The following ABL1 variants were observed in gnomAD, a reference collection of about 807,000 sequenced individuals.
The protein encoded by ABL1 is tyrosine-protein kinase ABL1.
In ABL1, 11 loss-of-function variants were observed where a neutral mutation model predicts 94.7. The ratio of observed to expected loss-of-function variants is 0.12; its 90% CI spans 0.07 to 0.19. The LOEUF (loss-of-function observed/expected upper bound fraction) is 0.19. Ranked by LOEUF, ABL1 falls within the 10% of genes least tolerant of loss-of-function variation. The pLI is 1.00. For missense variants in ABL1, 1,082 were observed against 1,489.4 expected, an observed-to-expected ratio of 0.73 and a Z score of 4.50; for synonymous variants, 656 against 622.4, an observed-to-expected ratio of 1.05 and a Z score of -0.80.
chr9:130,723,477 C>A (rs542405195), intron 1 of ABL1, among the ~76,000 whole-genome samples: 2 of 152,050 alleles, frequency 1.3e-5, no homozygotes, highest in African/African-American at 2.4e-5. Flanking sequence ...TCCAGGAGTT[C>A]GAGGCTGAAG....
chr9:130,738,704 A>G (rs1160273081), intron 1 of ABL1, among the ~76,000 whole-genome samples: 1 of 152,204 alleles, frequency 6.6e-6, no homozygotes, highest in Non-Finnish European at 1.5e-5. Flanking sequence ...TGATGGACAA[A>G]TCATGGAAAA....
intron 1 of ABL1, among the ~76,000 whole-genome samples, chr9:130,726,365 C>T (rs1025314554): frequency 5.9e-5 from 9 of 152,074 alleles, no homozygotes; most frequent in African/African-American, 1.7e-4. Flanking sequence ...TACTGTCTTA[C>T]GTTTTAGCAC....
At position 130,783,273 on chromosome 9, in the gene ABL1, T is replaced by G. The variant is rs146118618; in HGVS notation, c.136+68818T>G. Reference sequence around the variant, plus strand: ...TGTGGAATATTAAATCAATTGTGTGTTTTTTTTGGCATCCTTGATGTGAAC... The same window carrying G: ...TGTGGAATATTAAATCAATTGTGTGGTTTTTTTGGCATCCTTGATGTGAAC... On this transcript the variant is annotated intron_variant, in intron 1 of 10. Coordinates refer to the ABL1 transcript ENST00000372348. 1.3e-3 allele frequency among the ~76,000 whole-genome samples: 196 copies of G among 151,812 alleles called. 1 individual carries two copies. Among genetic ancestry groups the G allele is most frequent in the African/African-American group, 4.5e-3 (188 of 41,474 alleles).
chr9:130,863,656 T>G lies in ABL1; in HGVS notation c.822+621T>G, dbSNP rs1190986524. Among the ~76,000 whole-genome samples the G allele has an allele frequency of 1.3e-5, 2 of 152,224 alleles. No homozygotes were observed. The highest frequency in any genetic ancestry group is 4.8e-5 in the African/African-American group (2 of 41,448). ...ACCCTCTCCACTAATGAATAGTGTT[T>G]GTAGTTTCCAGGCAGGTTTTTTTCT... On this transcript the variant is annotated intron_variant, in intron 4 of 10. Transcript: ENST00000318560. This position sits in a 1 kb window ranked among gnomAD's most constrained non-coding sequence, Gnocchi z 4.3.
chr9:130,733,528 G>A (rs11790355), intron 1 of ABL1, among the ~76,000 whole-genome samples: 1 of 151,310 alleles, frequency 6.6e-6, no homozygotes, highest in East Asian at 1.9e-4. Context: ...CCGCCTCTCA[G>A]GTAGCTGTGA....
chr9:130,808,444 G>A (rs925975530), intron 1 of ABL1, among the ~76,000 whole-genome samples: 5 of 151,236 alleles, frequency 3.3e-5, no homozygotes, highest in East Asian at 2.0e-4. Flanking sequence ...GGGTTTCACC[G>A]TGTTGGCCAG....
In ABL1 at chr9:130,731,875, G is replaced by T. The variant is rs192450336; in HGVS notation, c.136+17420G>T. Among the ~76,000 whole-genome samples, 321 of 151,474 alleles carry T rather than the reference G, an allele frequency of 2.1e-3. 1 individual carries two copies. Among genetic ancestry groups the T allele is most frequent in the Middle Eastern group, 0.01 (3 of 294 alleles). On this transcript the variant is annotated intron_variant, in intron 1 of 10. Transcript: ENST00000372348. The stretch of plus-strand genomic sequence containing the variant: ...CTAGAAATGAATAATAGAATATAAA[G>T]AATTCTTATTGATGAAAGAAAGCTA...
intron 1 of ABL1, among the ~76,000 whole-genome samples, chr9:130,817,929 A>G (rs1830310594): frequency 6.6e-6 from 1 of 152,218 alleles, no homozygotes; most frequent in African/African-American, 2.4e-5. Context: ...TGGTGTGGAC[A>G]TAAGTTTTCA....
At chr9:130,741,593 C>G (rs1432904942) in intron 1 of ABL1, among the ~76,000 whole-genome samples, 1 of 151,588 alleles carries the variant, frequency 6.6e-6, no homozygotes, top group African/African-American at 2.4e-5. Flanking sequence ...GTAACAGTTA[C>G]AGCACTGGTA....
chr9:130,733,797 A>G (rs573138392), intron 1 of ABL1, among the ~76,000 whole-genome samples: 21 of 151,950 alleles, frequency 1.4e-4, no homozygotes, highest in African/African-American at 2.2e-4. Context: ...TCACCATGTT[A>G]GCCAGGATGG....
chr9:130,734,923 T>C (rs1564273167), intron 1 of ABL1, among the ~76,000 whole-genome samples: 1 of 152,148 alleles, frequency 6.6e-6, no homozygotes, highest in Non-Finnish European at 1.5e-5. Flanking sequence ...TTTTATGCTG[T>C]TATGAAATTT....
At chr9:130,754,247 G>A (rs1262843660) in intron 1 of ABL1, among the ~76,000 whole-genome samples, 1 of 149,174 alleles carries the variant, frequency 6.7e-6, no homozygotes, top group South Asian at 2.1e-4. Flanking sequence ...GGTGGCTCAC[G>A]CCTGTAATCC....
intron 1 of ABL1, among the ~76,000 whole-genome samples, chr9:130,735,953 A>ATTTTTTTT (rs869189501): frequency 7.4e-5 from 6 of 81,542 alleles, no homozygotes; most frequent in African/African-American, 5.3e-4. Context: ...ATATATATAT[A>ATTTTTTTT]TATATATATT....
chr9:130,776,390 G>A (rs2250961), intron 1 of ABL1, among the ~76,000 whole-genome samples: 4,217 of 152,276 alleles, frequency 0.028, 69 homozygotes, highest in Admixed American at 0.039. Context: ...GACGTCAGGC[G>A]TTCGAGACCA....
chr9:130,725,202 A>G (rs1040589310), intron 1 of ABL1, among the ~76,000 whole-genome samples: 10 of 152,012 alleles, frequency 6.6e-5, no homozygotes, highest in African/African-American at 2.4e-4. Flanking sequence ...CATCATCCTA[A>G]GTAGAAACTC....
In ABL1 at chr9:130,750,200, T is replaced by TAC. The variant is rs199704256; in HGVS notation, c.136+35746_136+35747insCA. On this transcript the variant is annotated intron_variant, in intron 1 of 10. Coordinates refer to the ABL1 transcript ENST00000372348. ...TCAAGAAAAAAAAAATACATATATA[T>TAC]ATATATATATATATATATATATATA... is the stretch of plus-strand genomic sequence containing the variant. 8.7e-3 allele frequency among the ~76,000 whole-genome samples: 180 copies of TAC among 20,626 alleles called. 1 individual carries two copies. Among genetic ancestry groups the TAC allele is most frequent in the African/African-American group, 0.084 (175 of 2,076 alleles). The allele number at this position is 20,626 out of a possible 152,430, so 13.5% of individuals were successfully genotyped here.
In ABL1 at chr9:130,751,129, C is replaced by CTTTTTTTTTTTTTTTT. The variant is rs60206110; in HGVS notation, c.136+36689_136+36704dup. 1.4e-4 allele frequency among the ~76,000 whole-genome samples: 8 copies of CTTTTTTTTTTTTTTTT among 57,486 alleles called. 2 individuals carry two copies. The highest frequency in any genetic ancestry group is 5.3e-4 in the Admixed American group (2 of 3,790). The allele number at this position is 57,486 out of a possible 152,430, so 37.7% of individuals were successfully genotyped here. ...TTTGAAACTTGTTTTTTTTATTCAG[C>CTTTTTTTTTTTTTTTT]TTTTTTTTTTTTTTTTTTTTTTTTT... On this transcript the variant is annotated intron_variant, in intron 1 of 10. Transcript: ENST00000372348.
intron 1 of ABL1, among the ~76,000 whole-genome samples, chr9:130,812,405 A>T (rs1014935733): frequency 6.6e-6 from 1 of 151,960 alleles, no homozygotes; most frequent in Non-Finnish European, 1.5e-5. Context: ...GTGAGATTGG[A>T]TAAAAAAGCA....
intron 1 of ABL1, among the ~76,000 whole-genome samples, chr9:130,806,802 A>G (rs1373118932): frequency 2.0e-5 from 3 of 152,202 alleles, no homozygotes. Context: ...ACATAACAAT[A>G]TGTCTTGGAT....
Sources: allele counts gnomAD v4.1 joint callset (sites outside exome capture counted in the v4.1 genomes callset), GRCh38; gene constraint gnomAD v4.1.1; non-coding constraint Gnocchi (gnomAD v3.1); transcripts MANE v1.5; gene names NCBI Gene and HGNC (gene_info 2026-07-23, HGNC 2026-07-21).